ADAMTS12: variants seen among roughly 807,000 people sequenced by gnomAD.
The protein encoded by ADAMTS12 is A disintegrin and metalloproteinase with thrombospondin motifs 12.
ADAMTS12 carries 118 observed loss-of-function variants against 167.8 expected under a neutral mutation model. The observed-to-expected ratio is 0.70, with a 90% confidence interval of 0.61 to 0.82. ADAMTS12 has a LOEUF of 0.82. Among genes scored for constraint, ADAMTS12 ranks in the 40% least tolerant of loss-of-function variants. The pLI is 0.00. For missense variants in ADAMTS12, 1,916 were observed against 1,998.8 expected, an observed-to-expected ratio of 0.96 and a Z score of 0.79; for synonymous variants, 704 against 716.9, an observed-to-expected ratio of 0.98 and a Z score of 0.29.
chr5:33,762,027 T>A (rs1745376483), intron 2 of ADAMTS12, among the ~76,000 whole-genome samples: 1 of 151,888 alleles, frequency 6.6e-6, no homozygotes, highest in Non-Finnish European at 1.5e-5. Flanking sequence ...ACCCCATTTC[T>A]ACTAAAAATA....
intron 23 of ADAMTS12, among the ~76,000 whole-genome samples, chr5:33,528,084 AG>A (rs1330090128): frequency 6.7e-6 from 1 of 149,440 alleles, no homozygotes; most frequent in African/African-American, 2.6e-5. Flanking sequence ...TTACTCAACC[AG>A]AAAAAAAAAA....
chr5:33,766,261 T>C (rs566641040), intron 2 of ADAMTS12, among the ~76,000 whole-genome samples: 1 of 152,192 alleles, frequency 6.6e-6, no homozygotes, highest in Non-Finnish European at 1.5e-5. Flanking sequence ...ACATGTGCCC[T>C]AGATATGACA....
chr5:33,840,279 A>T (rs1748699142), intron 2 of ADAMTS12: 2 of 152,204 alleles, frequency 1.3e-5, no homozygotes, highest in Admixed American at 1.3e-4. Flanking sequence ...ACAATGCTTG[A>T]GCTCTAGGGT....
chr5:33,659,040 C>T (rs1471800891), intron 6 of ADAMTS12, among the ~76,000 whole-genome samples: 2 of 152,148 alleles, frequency 1.3e-5, no homozygotes, highest in East Asian at 3.9e-4. Flanking sequence ...ACAAAAGGAG[C>T]TCTTTGCCAA....
chr5:33,851,642 A>G (rs1314510692), intron 2 of ADAMTS12, among the ~76,000 whole-genome samples: 1 of 152,200 alleles, frequency 6.6e-6, no homozygotes, highest in Non-Finnish European at 1.5e-5. Context: ...ATCTGCTCAG[A>G]AGGGATACTG....
At chr5:33,619,498 C>G (rs941053262) in intron 14 of ADAMTS12, among the ~76,000 whole-genome samples, 3 of 152,120 alleles carry the variant, frequency 2.0e-5, no homozygotes, top group African/African-American at 7.2e-5. Flanking sequence ...GGAGACTCAT[C>G]TGATGTCTCT....
intron 2 of ADAMTS12, among the ~76,000 whole-genome samples, chr5:33,834,882 C>T (rs973728011): frequency 2.6e-5 from 4 of 152,166 alleles, no homozygotes; most frequent in Non-Finnish European, 4.4e-5. Context: ...GCTTTTTGGA[C>T]TGATTTTGAT....
chr5:33,683,262 TC>T (rs11333143), intron 4 of ADAMTS12, among the ~76,000 whole-genome samples, 161 bp from the exon 5 acceptor site: 7,136 of 152,270 alleles, frequency 0.047, 586 homozygotes, highest in African/African-American at 0.16. Context: ...CACAGCTCAT[TC>T]CACATTACAA....
At chr5:33,597,846 G>C (rs1479303930) in intron 16 of ADAMTS12, among the ~76,000 whole-genome samples, 1 of 152,106 alleles carries the variant, frequency 6.6e-6, no homozygotes, top group Non-Finnish European at 1.5e-5. Context: ...AAGTTTAGCT[G>C]CTTAGAAGTT....
intron 19 of ADAMTS12, among the ~76,000 whole-genome samples, chr5:33,571,414 A>G (rs989831001): frequency 1.3e-5 from 2 of 152,202 alleles, no homozygotes; most frequent in Non-Finnish European, 2.9e-5. Context: ...CCACAGTGCA[A>G]TCAAACTAGA....
chr5:33,564,938 AT>A (rs1329845245), intron 19 of ADAMTS12, among the ~76,000 whole-genome samples: 3 of 152,020 alleles, frequency 2.0e-5, no homozygotes, highest in African/African-American at 7.2e-5. Context: ...AACTATTACA[AT>A]TTTTTTCTTT....
intron 11 of ADAMTS12, among the ~76,000 whole-genome samples, chr5:33,641,044 C>A (rs1414017224): frequency 2.0e-5 from 3 of 151,606 alleles, no homozygotes; most frequent in Non-Finnish European, 4.4e-5. Context: ...ATAAAAGAAA[C>A]AATATAATTT....
chr5:33,661,849 G>A, intron 6 of ADAMTS12, 67 bp downstream of exon 6: 4 of 1,600,054 alleles, frequency 2.5e-6, no homozygotes, highest in Non-Finnish European at 3.4e-6. Flanking sequence ...TGAACACCTG[G>A]TAAGCCTTTC....
In ADAMTS12 at chr5:33,664,442, T is replaced by C. The variant is rs143038944; in HGVS notation, c.916-2402A>G. On this transcript the variant is annotated intron_variant, in intron 5 of 23. Transcript: ENST00000504830. Reference sequence around the variant, plus strand: ...AGGAAAGACAGCCTTTTCAATAAATTATGCTGGATAGCAAGAAAACAAATA... The same window carrying C: ...AGGAAAGACAGCCTTTTCAATAAATCATGCTGGATAGCAAGAAAACAAATA... Among the ~76,000 whole-genome samples the C allele has an allele frequency of 4.9e-3, 743 of 152,186 alleles. 27 individuals are homozygous for C. Among genetic ancestry groups the C allele is most frequent in the Admixed American group, 0.047 (715 of 15,276 alleles).
intron 11 of ADAMTS12, 88 bp downstream of exon 11, chr5:33,641,722 G>A (rs1740451221): frequency 2.3e-6 from 3 of 1,308,398 alleles, no homozygotes; most frequent in Non-Finnish European, 2.0e-6. Context: ...GGAGGCTTGG[G>A]GTCACTGAGG....
chr5:33,873,214 G>A (rs945134366), intron 2 of ADAMTS12, among the ~76,000 whole-genome samples: 1 of 148,636 alleles, frequency 6.7e-6, no homozygotes, highest in African/African-American at 2.5e-5. Flanking sequence ...GCAAGTGATT[G>A]TACCCAGCCT....
intron 2 of ADAMTS12, among the ~76,000 whole-genome samples, chr5:33,778,594 C>T (rs1430268182): frequency 6.7e-6 from 1 of 149,708 alleles, no homozygotes; most frequent in Non-Finnish European, 1.5e-5. Flanking sequence ...AACTTATTGA[C>T]ATTGGTCTTG....
At chr5:33,587,956 T>C (rs1039152122) in intron 18 of ADAMTS12, among the ~76,000 whole-genome samples, 3 of 152,216 alleles carry the variant, frequency 2.0e-5, no homozygotes, top group African/African-American at 7.2e-5. Context: ...CAATGCCTGA[T>C]GAAACCAGAT....
At chr5:33,636,873 C>T (rs1054256540) in intron 12 of ADAMTS12, among the ~76,000 whole-genome samples, 2 of 152,116 alleles carry the variant, frequency 1.3e-5, no homozygotes, top group Admixed American at 6.6e-5. Flanking sequence ...TGTGTCTGGA[C>T]GTTTTGCCAA....
Sources: allele counts gnomAD v4.1 joint callset (sites outside exome capture counted in the v4.1 genomes callset), GRCh38; gene constraint gnomAD v4.1.1; transcripts MANE v1.5; gene names NCBI Gene and HGNC (gene_info 2026-07-23, HGNC 2026-07-21).